Variants in PLEKHM3 observed in about 807,000 individuals in gnomAD.
PLEKHM3 encodes pleckstrin homology domain-containing family M member 3.
PLEKHM3 carries 45 observed loss-of-function variants against 81.8 expected under a neutral mutation model. The ratio of observed to expected loss-of-function variants is 0.55; its 90% CI spans 0.43 to 0.71. The LOEUF (loss-of-function observed/expected upper bound fraction) is 0.71, where lower values mean the gene tolerates loss of function less well. Among genes scored for constraint, PLEKHM3 ranks in the 30% least tolerant of loss-of-function variants. The pLI, the probability that PLEKHM3 is intolerant of heterozygous loss-of-function variation, is 0.00. For synonymous variants in PLEKHM3, 352 were observed against 356.4 expected (o/e 0.99, Z 0.14); for missense variants, 788 against 924.3 (o/e 0.85, Z 1.91).
intron 1 of PLEKHM3, among the ~76,000 whole-genome samples, chr2:208,009,134 C>A (rs1286920189): frequency 6.6e-6 from 1 of 152,250 alleles, no homozygotes; most frequent in Admixed American, 6.5e-5. Flanking sequence ...AGGTTCAACT[C>A]TTTAACCTGA....
intron 2 of PLEKHM3, among the ~76,000 whole-genome samples, chr2:207,992,337 A>G (rs528373339): frequency 1.3e-5 from 2 of 152,314 alleles, no homozygotes; most frequent in South Asian, 4.1e-4. Context: ...CTATTATGTT[A>G]AACTGTTGTG....
intron 1 of PLEKHM3, among the ~76,000 whole-genome samples, chr2:208,005,105 G>A (rs572641916): frequency 1.6e-4 from 24 of 152,228 alleles, no homozygotes; most frequent in African/African-American, 4.1e-4. Context: ...GATTACAGGC[G>A]TGAGGCACCA....
At chr2:207,884,629 G>C (rs1022517923) in intron 6 of PLEKHM3, among the ~76,000 whole-genome samples, 27 of 152,142 alleles carry the variant, frequency 1.8e-4, no homozygotes, top group Admixed American at 1.7e-3. Context: ...AAAAGGTAGT[G>C]TTACTATCAA....
At position 207,931,011 on chromosome 2, in the gene PLEKHM3, C is replaced by T. The variant is rs372815847; in HGVS notation, c.1801G>A (p.Val601Met). The T allele has an allele frequency of 8.1e-6, 13 of 1,613,882 alleles. No individual in the cohort carries two copies. Among genetic ancestry groups the T allele is most frequent in the African/African-American group, 2.7e-5 (2 of 74,932 alleles). Residue 601 changes from valine to methionine, a missense_variant, in exon 5 of 8, where the codon GTG (valine) becomes ATG (methionine). Transcript: ENST00000427836. ...TTCAGCCGCTGCCGCAGCCGCAGCA[C>T]GGCGGCCAGCGGCTCTGCGTGGTGG... is the stretch of plus-strand genomic sequence containing the variant. Reference protein sequence around the residue: ...LYHHAEPLAAVLRLRQRLKSL... With the variant: ...LYHHAEPLAAMLRLRQRLKSL...
At chr2:207,879,513 C>T (rs1250435898) in intron 6 of PLEKHM3, among the ~76,000 whole-genome samples, 2 of 152,260 alleles carry the variant, frequency 1.3e-5, no homozygotes, top group Non-Finnish European at 2.9e-5. Context: ...AACATTCCTA[C>T]TGCAAGCTCT....
At chr2:207,880,607 C>G (rs2092583425) in intron 6 of PLEKHM3, among the ~76,000 whole-genome samples, 1 of 145,282 alleles carries the variant, frequency 6.9e-6, no homozygotes, top group Admixed American at 6.9e-5. Context: ...ACTAAAAATA[C>G]AAAAAATTAG....
chr2:207,888,235 T>C (rs1202242242), intron 6 of PLEKHM3, among the ~76,000 whole-genome samples: 2 of 152,168 alleles, frequency 1.3e-5, no homozygotes, highest in Non-Finnish European at 2.9e-5. Context: ...TGGGTGAAGT[T>C]ACCATCCTTG....
chr2:207,914,764 C>A (rs1688929734), intron 5 of PLEKHM3, among the ~76,000 whole-genome samples: 2 of 151,718 alleles, frequency 1.3e-5, no homozygotes, highest in South Asian at 4.2e-4. Context: ...AAGCCACAAA[C>A]TAACTGAAGG....
At chr2:207,908,637 G>A in intron 5 of PLEKHM3, 60 bp from the exon 6 acceptor site, 1 of 1,459,114 alleles carries the variant, frequency 6.9e-7, no homozygotes, top group Non-Finnish European at 9.5e-7. Flanking sequence ...ACATTTTTCT[G>A]ATAAGTTTCA....
At chr2:207,945,974 T>C (rs72966917) in intron 4 of PLEKHM3, among the ~76,000 whole-genome samples, 2,696 of 151,478 alleles carry the variant, frequency 0.018, 28 homozygotes, top group Non-Finnish European at 0.029. Flanking sequence ...AAAAGAAATA[T>C]CTTGGATTAT....
At chr2:208,012,251 G>A (rs541417208) in intron 1 of PLEKHM3, among the ~76,000 whole-genome samples, 1 of 152,232 alleles carries the variant, frequency 6.6e-6, no homozygotes, top group East Asian at 1.9e-4. Flanking sequence ...CACCGTGTTA[G>A]CCAGGATGGT....
rs61384566 is a variant in PLEKHM3 at position 207,880,762 on chromosome 2, CAAAAAAAAAAAAA to C, written c.1951-19513_1951-19501del. ...TGGGAGACACAGCGAGACTCTGTCT[CAAAAAAAAAAAAA>C]AAAAAAAAAAAAACCAAAAAAACAA... On this transcript the variant is annotated intron_variant, in intron 6 of 7. Coordinates refer to ENST00000427836, the MANE Select transcript of PLEKHM3 (RefSeq NM_001080475.3). 8.6e-4 allele frequency among the ~76,000 whole-genome samples: 6 copies of C among 6,976 alleles called. No homozygotes were observed. The Admixed American group carries it at 0.01, about 12-fold the overall frequency. 4.6% of individuals were successfully genotyped at this position (6,976 alleles called of 152,430 possible).
Position 207,831,410 on chromosome 2 carries a change from G to A in PLEKHM3, c.2109-2914C>T, listed in dbSNP as rs569960807. ...GCCTGGCCATCCCAGCGAGAGCATGGAGCCATCGCATAGGGAAACGTAGGG... is the reference window on the plus strand; with the variant it reads ...GCCTGGCCATCCCAGCGAGAGCATGAAGCCATCGCATAGGGAAACGTAGGG... On this transcript the variant is annotated intron_variant, in intron 7 of 7. Transcript: ENST00000427836. 2.0e-5 allele frequency among the ~76,000 whole-genome samples: 3 copies of A among 152,336 alleles called. No individual in the cohort carries two copies. The East Asian group carries it at 5.8e-4, about 29-fold the overall frequency.
chr2:207,964,698 T>G (rs1410885088), intron 3 of PLEKHM3, among the ~76,000 whole-genome samples: 1 of 152,204 alleles, frequency 6.6e-6, no homozygotes, highest in Admixed American at 6.5e-5. Flanking sequence ...CTGATCTCAC[T>G]GCTTTTCAGG....
At chr2:207,956,695 G>T (rs1297087146) in intron 3 of PLEKHM3, among the ~76,000 whole-genome samples, 1 of 140,306 alleles carries the variant, frequency 7.1e-6, no homozygotes, top group African/African-American at 2.6e-5. Context: ...ACAGGTGCAT[G>T]CCACCACACC....
intron 1 of PLEKHM3, among the ~76,000 whole-genome samples, chr2:208,016,761 G>A (rs1692936660): frequency 6.6e-6 from 1 of 150,464 alleles, no homozygotes; most frequent in Non-Finnish European, 1.5e-5. Context: ...TCAGCGTGAG[G>A]CAACCACTTT....
intron 2 of PLEKHM3, among the ~76,000 whole-genome samples, chr2:207,994,801 T>C (rs1050627582): frequency 2.0e-5 from 3 of 152,184 alleles, no homozygotes; most frequent in Non-Finnish European, 4.4e-5. Context: ...ATGATGGAAA[T>C]GGTGTTAACT....
At chr2:207,926,298 T>G (rs957276170) in intron 5 of PLEKHM3, among the ~76,000 whole-genome samples, 1 of 152,184 alleles carries the variant, frequency 6.6e-6, no homozygotes, top group Non-Finnish European at 1.5e-5. Flanking sequence ...TTTTTTAAAG[T>G]TGGCAACTAT....
At chr2:207,889,541 A>G (rs1031491737) in intron 6 of PLEKHM3, among the ~76,000 whole-genome samples, 3 of 151,622 alleles carry the variant, frequency 2.0e-5, no homozygotes, top group Non-Finnish European at 4.4e-5. Context: ...TCATGTGCAA[A>G]CCTATAATTT....
Sources: allele counts gnomAD v4.1 joint callset (sites outside exome capture counted in the v4.1 genomes callset), GRCh38; gene constraint gnomAD v4.1.1; transcripts MANE v1.5; gene names NCBI Gene and HGNC (gene_info 2026-07-23, HGNC 2026-07-21).